GHR: variants seen among roughly 807,000 people sequenced by gnomAD.
GHR encodes GH receptor.
GHR carries 35 observed loss-of-function variants against 67.1 expected under a neutral mutation model. That is an observed-to-expected ratio of 0.52 (90% CI 0.40 to 0.69). The LOEUF is 0.69. Ranked by LOEUF, GHR falls within the 30% of genes least tolerant of loss-of-function variation. The pLI is 0.00. For synonymous variants in GHR, 272 were observed against 269.1 expected (o/e 1.01, Z -0.10); for missense variants, 792 against 764.6 (o/e 1.04, Z -0.42).
At chr5:42,521,828 G>A (rs184281501) in intron 1 of GHR, among the ~76,000 whole-genome samples, 1 of 152,280 alleles carries the variant, frequency 6.6e-6, no homozygotes, top group Non-Finnish European at 1.5e-5. Flanking sequence ...ATCAAAAATG[G>A]AGCAGTCAAT....
intron 1 of GHR, among the ~76,000 whole-genome samples, chr5:42,517,581 G>A (rs547635246): frequency 3.3e-5 from 5 of 152,234 alleles, no homozygotes; most frequent in Admixed American, 1.3e-4. Context: ...GTCAGGACCT[G>A]TTTTTTTCTG....
intron 1 of GHR, among the ~76,000 whole-genome samples, chr5:42,441,889 G>A (rs1743595667): frequency 6.6e-6 from 1 of 152,120 alleles, no homozygotes; most frequent in Admixed American, 6.5e-5. Flanking sequence ...GATCAGGGGT[G>A]GCCTGAAGAT....
At chr5:42,447,697 C>A (rs1440086561) in intron 1 of GHR, among the ~76,000 whole-genome samples, 4 of 141,906 alleles carry the variant, frequency 2.8e-5, no homozygotes, top group African/African-American at 1.1e-4. Flanking sequence ...CCCTCCCTCC[C>A]TCTATCTCTC....
chr5:42,461,620 C>T (rs1744490353), intron 1 of GHR, among the ~76,000 whole-genome samples: 1 of 152,160 alleles, frequency 6.6e-6, no homozygotes, highest in South Asian at 2.1e-4. Flanking sequence ...TGGCAGTCCC[C>T]AGTAGGAGAA....
chr5:42,664,927 G>T (rs1252428142), intron 3 of GHR, among the ~76,000 whole-genome samples: 1 of 152,084 alleles, frequency 6.6e-6, no homozygotes, highest in East Asian at 1.9e-4. Flanking sequence ...ATCAAAAAGT[G>T]GGCAAAGGAC....
At chr5:42,662,908 A>G (rs532431876) in intron 3 of GHR, among the ~76,000 whole-genome samples, 2 of 152,042 alleles carry the variant, frequency 1.3e-5, no homozygotes, top group Non-Finnish European at 2.9e-5. Flanking sequence ...AATGATAAAG[A>G]GGATATCACC....
chr5:42,629,708 G>T lies in GHR; in HGVS notation c.136+605G>T, dbSNP rs187158825. Among the ~76,000 whole-genome samples, 2 of 131,128 alleles carry T rather than the reference G, an allele frequency of 1.5e-5. 1 individual carries two copies. Among genetic ancestry groups the T allele is most frequent in the East Asian group, 4.1e-4 (2 of 4,900 alleles). 86.0% of individuals were successfully genotyped at this position (131,128 alleles called of 152,430 possible). On this transcript the variant is annotated intron_variant, in intron 3 of 9. Coordinates refer to ENST00000230882, the MANE Select transcript of GHR (RefSeq NM_000163.5). ...TTCTATTTTTTGCTTGTGCTTGGAG[G>T]TTAAGTAAGGCCAAATTAATGAAGG...
intron 1 of GHR, among the ~76,000 whole-genome samples, chr5:42,563,214 A>T (rs538613644): frequency 1.2e-4 from 18 of 152,332 alleles, no homozygotes; most frequent in African/African-American, 3.6e-4. Flanking sequence ...ATACTCTGGC[A>T]TTGGAATAGC....
At chr5:42,636,209 CAAAAAAA>C (rs11373491) in intron 3 of GHR, among the ~76,000 whole-genome samples, 158 of 81,926 alleles carry the variant, frequency 1.9e-3, no homozygotes, top group South Asian at 6.4e-3. Flanking sequence ...GACCCCGTTT[CAAAAAAA>C]AAAAAAAAAA....
intron 3 of GHR, among the ~76,000 whole-genome samples, chr5:42,633,624 C>T (rs1187871239): frequency 6.6e-6 from 1 of 152,146 alleles, no homozygotes; most frequent in Non-Finnish European, 1.5e-5. Flanking sequence ...ATTAATTCTT[C>T]CTGCCTACCT....
intron 1 of GHR, among the ~76,000 whole-genome samples, chr5:42,448,791 A>G (rs1460987391): frequency 1.3e-5 from 2 of 152,014 alleles, no homozygotes; most frequent in Non-Finnish European, 2.9e-5. Context: ...TCTTTGGTCC[A>G]TCCTGAATTG....
At chr5:42,531,498 G>T (rs940014303) in intron 1 of GHR, among the ~76,000 whole-genome samples, 15 of 150,954 alleles carry the variant, frequency 9.9e-5, no homozygotes, top group Admixed American at 9.2e-4. Flanking sequence ...TTTAGAGTGG[G>T]TCTCGGTCTC....
intron 2 of GHR, among the ~76,000 whole-genome samples, chr5:42,568,378 T>C (rs982641229): frequency 6.6e-6 from 1 of 152,196 alleles, no homozygotes; most frequent in Non-Finnish European, 1.5e-5. Flanking sequence ...AAGCTCTATA[T>C]CTGCTCCTCA....
intron 1 of GHR, chr5:42,466,833 T>A: frequency 7.2e-6 from 9 of 1,255,918 alleles, no homozygotes; most frequent in Non-Finnish European, 9.6e-6. Flanking sequence ...AGGTGTCTCA[T>A]TTGGGAGGCA....
chr5:42,441,061 T>C (rs1194188476), intron 1 of GHR, among the ~76,000 whole-genome samples: 1 of 152,136 alleles, frequency 6.6e-6, no homozygotes, highest in Non-Finnish European at 1.5e-5. Context: ...TGTAAGACAA[T>C]GGTTTATACA....
chr5:42,467,567 A>G, intron 1 of GHR: 1 of 1,552,754 alleles, frequency 6.4e-7, no homozygotes, highest in Admixed American at 1.7e-5. Flanking sequence ...TTTTCTAAGG[A>G]GAGGTTTTTT....
chr5:42,713,829 T>C lies in GHR; in HGVS notation c.875+310T>C, dbSNP rs533619012. 1.9e-4 allele frequency: 59 copies of C among 314,376 alleles called. No homozygotes were observed. The South Asian group carries it at 1.9e-3, about 10-fold the overall frequency. 19.5% of individuals were successfully genotyped at this position (314,376 alleles called of 1,614,324 possible). ...CCAAGAGCTAGCTCTTTCCCTCAAG[T>C]CCTCAACAAGTTGACCCATTCATTC... On this transcript the variant is annotated intron_variant, in intron 8 of 9. Coordinates refer to ENST00000230882, the MANE Select transcript of GHR (RefSeq NM_000163.5).
intron 5 of GHR, among the ~76,000 whole-genome samples, chr5:42,698,605 A>C (rs1757787302): frequency 6.6e-6 from 1 of 152,174 alleles, no homozygotes; most frequent in Non-Finnish European, 1.5e-5. Flanking sequence ...ATGCTCCTCC[A>C]CCATAAGGCC....
At chr5:42,692,433 T>C (rs754756093) in intron 4 of GHR, among the ~76,000 whole-genome samples, 2 of 152,182 alleles carry the variant, frequency 1.3e-5, no homozygotes, top group Non-Finnish European at 2.9e-5. Flanking sequence ...TGGTCATCTG[T>C]AGAGACATTC....
Sources: gnomAD v4.1 joint callset for allele counts (sites outside exome capture counted in the v4.1 genomes callset) on GRCh38, gnomAD v4.1.1 for gene constraint, MANE v1.5 for transcripts, NCBI Gene and HGNC (gene_info 2026-07-23, HGNC 2026-07-21) for gene names.